Variants in NAA16 observed in about 807,000 individuals in gnomAD.
The protein encoded by NAA16 is NARG1-like protein.
Under a neutral mutation model 110.3 loss-of-function variants are expected in NAA16, and 97 were observed. That is an observed-to-expected ratio of 0.88 (90% CI 0.75 to 1.04). The LOEUF (loss-of-function observed/expected upper bound fraction) is 1.04. Ranked by LOEUF, NAA16 falls within the 50% of genes least tolerant of loss-of-function variation. The pLI is 0.00. For synonymous variants in NAA16, 372 were observed against 330.6 expected, an observed-to-expected ratio of 1.13 and a Z score of -1.36; for missense variants, 1,017 against 1,005.1, an observed-to-expected ratio of 1.01 and a Z score of -0.16.
rs2043051665 is a variant in NAA16, at chr13:41,358,875, T to C, written c.1323T>C (p.Asp441=). 1.2e-6 allele frequency: 2 copies of C among 1,612,786 alleles called. No individual in the cohort carries two copies. The highest frequency in any genetic ancestry group is 1.7e-6 in the Non-Finnish European group (2 of 1,179,172). ...MDEAQSLDTA[D]RFINSKCAKY... is the part of the protein sequence containing the mutation. ...AAGCACAGTCTTTGGACACAGCTGA[T>C]AGATTCATCAATTCCAAATGTGCAA... The change falls in exon 12 of 20, where the codon GAT becomes GAC. Residue 441 remains aspartate, a synonymous_variant. Transcript: ENST00000379406.
In NAA16 at chr13:41,375,727, C is replaced by G; in HGVS notation, c.*125C>G. On this transcript the variant is annotated 3_prime_UTR_variant, in exon 20 of 20. Coordinates refer to ENST00000379406, the MANE Select transcript of NAA16 (RefSeq NM_024561.5). ...GGTTAGGATTTTTAAATGGCATATT[C>G]TGTAAGCTTATTTTGTTCTTTACCC... The G allele has an allele frequency of 1.4e-6, 1 of 694,910 alleles. No homozygotes were observed. Among genetic ancestry groups the G allele is most frequent in the South Asian group, 2.4e-5 (1 of 41,496 alleles). The allele number at this position is 694,910 out of a possible 1,614,324, so 43.0% of individuals were successfully genotyped here.
chr13:41,358,939 G>A lies in NAA16; in HGVS notation c.1387G>A (p.Glu463Lys), dbSNP rs1746650198. The A allele has an allele frequency of 6.2e-7, 1 of 1,609,268 alleles. No individual in the cohort carries two copies. Among genetic ancestry groups the A allele is most frequent in the Non-Finnish European group, 8.5e-7 (1 of 1,176,816 alleles). The change falls in exon 12 of 20, where the codon GAA becomes AAA. Residue 463 changes from glutamate (E) to lysine (K), a missense_variant. By Grantham distance (56) the Glu-to-Lys change is moderately conservative (BLOSUM62 1). Coordinates refer to ENST00000379406, the MANE Select transcript of NAA16 (RefSeq NM_024561.5). The part of the protein sequence containing the change: ...LRANMIKEAE[E>K]MCSKFTREGT... Reference sequence around the variant, plus strand: ...AGCAAATATGATAAAAGAAGCAGAGGAAATGTGCTCCAAGTTCACAAGGGT... The same window carrying A: ...AGCAAATATGATAAAAGAAGCAGAGAAAATGTGCTCCAAGTTCACAAGGGT...
rs1180677382 is a variant in NAA16, at chr13:41,369,248, C to T, written c.1912C>T (p.Leu638Phe). 2 of 1,581,048 alleles carry T rather than the reference C, an allele frequency of 1.3e-6. No individual in the cohort carries two copies. Among genetic ancestry groups the T allele is most frequent in the South Asian group, 2.4e-5 (2 of 83,550 alleles). Residue 638 changes from leucine to phenylalanine, a missense_variant, in exon 15 of 20, where the codon CTT becomes TTT. Transcript: ENST00000379406. Reference sequence around the variant, plus strand: ...TGAAGAAGAAGAAGAAGCCAGTGGCCTTAAGGAAGAACTTATACCTGAAAA... The same window carrying T: ...TGAAGAAGAAGAAGAAGCCAGTGGCTTTAAGGAAGAACTTATACCTGAAAA... Reference protein sequence around the residue: ...RDEEEEEASGLKEELIPEKLE... With the variant: ...RDEEEEEASGFKEELIPEKLE...
At chr13:41,331,418 C>A in intron 8 of NAA16, 49 bp downstream of exon 8, 1 of 1,284,066 alleles carries the variant, frequency 7.8e-7, no homozygotes, top group South Asian at 1.3e-5. Flanking sequence ...CAGAATTACT[C>A]AATGTTATTT....
intron 9 of NAA16, among the ~76,000 whole-genome samples, chr13:41,337,434 C>G (rs551127946): frequency 6.6e-6 from 1 of 151,256 alleles, no homozygotes; most frequent in African/African-American, 2.4e-5. Flanking sequence ...TCCCAGCTAC[C>G]CGGAAGCTTG....
chr13:41,333,714 C>T (rs74049116), intron 8 of NAA16, among the ~76,000 whole-genome samples: 11,801 of 152,078 alleles, frequency 0.078, 1,507 homozygotes, highest in African/African-American at 0.27. Context: ...CTCTTTTTCT[C>T]ATTTGGAACA....
intron 8 of NAA16, among the ~76,000 whole-genome samples, chr13:41,334,022 A>G (rs1396174087): frequency 6.6e-6 from 1 of 152,162 alleles, no homozygotes; most frequent in Non-Finnish European, 1.5e-5. Flanking sequence ...ATGTGTATTT[A>G]CAAAGCTCCA....
rs202161918 is a variant in NAA16, at chr13:41,311,497, C to T, written c.-32C>T. On this transcript the variant is annotated 5_prime_UTR_variant, in exon 1 of 20. Coordinates refer to ENST00000379406, the MANE Select transcript of NAA16 (RefSeq NM_024561.5). The stretch of plus-strand genomic sequence containing the variant: ...CGGAGCGCCCGGGCACCTAGCCTCC[C>T]TGCCGGCCACCTAGCCTCCCTGCCG... 13 of 1,576,410 alleles carry T rather than the reference C, an allele frequency of 8.2e-6. No homozygotes were observed. The East Asian group carries it at 1.2e-4, about 14-fold the overall frequency.
chr13:41,358,043 G>T (rs886930826), intron 10 of NAA16, among the ~76,000 whole-genome samples: 5 of 152,088 alleles, frequency 3.3e-5, no homozygotes, highest in African/African-American at 7.2e-5. Flanking sequence ...TTAGTTTGAC[G>T]TATATCTTTT....
chr13:41,374,464 A>G, intron 18 of NAA16: 1 of 232,532 alleles, frequency 4.3e-6, no homozygotes, highest in Non-Finnish European at 8.4e-6. Context: ...TGTCCATCTG[A>G]TAAATGTTTA....
In NAA16 at chr13:41,315,322, T is replaced by C. The variant is rs186161638; in HGVS notation, c.55-1524T>C. 3.9e-5 allele frequency among the ~76,000 whole-genome samples: 6 copies of C among 152,266 alleles called. No individual in the cohort carries two copies. In the East Asian group the frequency reaches 7.7e-4, roughly 20 times the overall value. On this transcript the variant is annotated intron_variant, in intron 1 of 19. Coordinates refer to ENST00000379406, the MANE Select transcript of NAA16 (RefSeq NM_024561.5). The stretch of plus-strand genomic sequence containing the variant: ...GCATGTTGAGTAATTTAACACCCAG[T>C]GTGACTGAACAATGTAAGCCAGGGA...
In NAA16 at chr13:41,375,701, T is replaced by A; in HGVS notation, c.*99T>A. The A allele has an allele frequency of 1.1e-6, 1 of 916,242 alleles. No individual in the cohort carries two copies. The highest frequency in any genetic ancestry group is 1.6e-6 in the Non-Finnish European group (1 of 620,390). The allele number at this position is 916,242 out of a possible 1,614,324, so 56.8% of individuals were successfully genotyped here. On this transcript the variant is annotated 3_prime_UTR_variant, in exon 20 of 20. Coordinates refer to ENST00000379406, the MANE Select transcript of NAA16 (RefSeq NM_024561.5). ...TAATATACGTATGAAATGAAATATTTGGTTAGGATTTTTAAATGGCATATT... is the reference window on the plus strand; with the variant it reads ...TAATATACGTATGAAATGAAATATTAGGTTAGGATTTTTAAATGGCATATT...
chr13:41,374,173 A>T (rs975049205), intron 18 of NAA16, among the ~76,000 whole-genome samples: 1 of 149,560 alleles, frequency 6.7e-6, no homozygotes, highest in Non-Finnish European at 1.5e-5. Flanking sequence ...ATGGAGCCTC[A>T]CTCTGTCGCC....
At chr13:41,328,907 TGTAA>T in intron 7 of NAA16, 64 bp downstream of exon 7, 1 of 1,369,380 alleles carries the variant, frequency 7.3e-7, no homozygotes, top group Non-Finnish European at 1.0e-6. Context: ...AATGTAAAGT[TGTAA>T]TAATACTTGG....
At chr13:41,345,856 G>A (rs1206752275) in intron 9 of NAA16, among the ~76,000 whole-genome samples, 2 of 152,222 alleles carry the variant, frequency 1.3e-5, no homozygotes, top group Admixed American at 6.5e-5. Flanking sequence ...TTACAGGCGT[G>A]AGCCAGCACG....
At chr13:41,314,714 G>C (rs1414960227) in intron 1 of NAA16, among the ~76,000 whole-genome samples, 1 of 152,170 alleles carries the variant, frequency 6.6e-6, no homozygotes, top group African/African-American at 2.4e-5. Context: ...GGCTAAGGCC[G>C]GCGCAGTGGC....
intron 13 of NAA16, among the ~76,000 whole-genome samples, chr13:41,365,905 G>T (rs1418058226): frequency 1.3e-5 from 2 of 152,120 alleles, no homozygotes; most frequent in African/African-American, 4.8e-5. Flanking sequence ...CAACCTAAAA[G>T]AATGTCCTGT....
At chr13:41,350,619 T>TAA (rs2042809662) in intron 9 of NAA16, among the ~76,000 whole-genome samples, 1 of 15,586 alleles carries the variant, frequency 6.4e-5, no homozygotes, top group African/African-American at 1.1e-4. Flanking sequence ...TTTTTTTTTT[T>TAA]GTTTGTTTGT....
intron 10 of NAA16, among the ~76,000 whole-genome samples, chr13:41,356,833 C>T (rs1232676472): frequency 6.6e-6 from 1 of 152,224 alleles, no homozygotes; most frequent in African/African-American, 2.4e-5. Flanking sequence ...ATTTCACTGT[C>T]ATTCATACTT....
Sources: allele counts gnomAD v4.1 joint callset (sites outside exome capture counted in the v4.1 genomes callset), GRCh38; gene constraint gnomAD v4.1.1; transcripts MANE v1.5; gene names NCBI Gene and HGNC (gene_info 2026-07-23, HGNC 2026-07-21).